The following XG variants were observed in gnomAD, a reference collection of about 807,000 sequenced individuals.
XG encodes Xg glycoprotein (Xg blood group), also known as glycoprotein Xg.
A neutral mutation model predicts 25.7 loss-of-function variants in XG; 24 were observed. The ratio of observed to expected loss-of-function variants is 0.93; its 90% CI spans 0.68 to 1.31. The LOEUF is 1.31. Ranked by LOEUF, XG falls within the 40% of genes most tolerant of loss-of-function variation. The pLI is 0.00. For missense variants in XG, 181 were observed against 187.6 expected, an observed-to-expected ratio of 0.96 and a Z score of 0.21; for synonymous variants, 77 against 69.2, an observed-to-expected ratio of 1.11 and a Z score of -0.56.
intron 1 of XG, among the ~76,000 whole-genome samples, chrX:2,763,924 G>C (rs1004521483): frequency 1.4e-4 from 22 of 152,180 alleles, no homozygotes; most frequent in Non-Finnish European, 3.1e-4. Flanking sequence ...GGCAACTCCA[G>C]GTTGAGTAGG....
intron 4 of XG, among the ~76,000 whole-genome samples, chrX:2,789,104 A>C (rs1420357668): frequency 9.0e-6 from 1 of 110,514 alleles, no homozygotes; most frequent in Non-Finnish European, 1.9e-5. Context: ...GGTGGTATGC[A>C]CCTGTAGACT....
intron 7 of XG, among the ~76,000 whole-genome samples, chrX:2,804,736 C>A (rs1320875016): frequency 9.0e-6 from 1 of 111,651 alleles, no homozygotes; most frequent in African/African-American, 3.2e-5. Flanking sequence ...TGAAGTTAGT[C>A]TCGGGAGGTC....
At position 2,765,352 on chromosome X, in the gene XG, G is replaced by C. The variant is rs922884116; in HGVS notation, c.62-5198G>C. ...GGCAACATAGTGAGGTTCTGTATGA[G>C]AGAAAGAGAGAAAGAGGGAGGGAGG... On this transcript the variant is annotated intron_variant, in intron 1 of 10. Transcript: ENST00000644266. Among the ~76,000 whole-genome samples the C allele has an allele frequency of 4.5e-5, 6 of 133,166 alleles. No individual in the cohort carries two copies. In the East Asian group the frequency reaches 6.6e-4, roughly 15 times the overall value. The allele number at this position is 133,166 out of a possible 152,430, so 87.4% of individuals were successfully genotyped here.
At chrX:2,760,804 C>T in intron 1 of XG, among the ~76,000 whole-genome samples, 1 of 148,054 alleles carries the variant, frequency 6.8e-6, no homozygotes, top group South Asian at 2.2e-4. Flanking sequence ...CCTGATCCAA[C>T]AGGACTGCAG....
At chrX:2,774,782 G>A in intron 3 of XG, 43 bp downstream of exon 3, 1 of 1,612,994 alleles carries the variant, frequency 6.2e-7, no homozygotes, top group Non-Finnish European at 8.5e-7. Flanking sequence ...CAACGTCCTT[G>A]AACTGATGCT....
At chrX:2,814,333 CA>C in intron 10 of XG, 30 bp from the exon 11 acceptor site, 1 of 1,188,672 alleles carries the variant, frequency 8.4e-7, no homozygotes, top group Middle Eastern at 2.4e-4. Flanking sequence ...TTTGCCCCCA[CA>C]ATGACATTTG....
intron 10 of XG, among the ~76,000 whole-genome samples, chrX:2,811,981 TAA>T (rs1446738632): frequency 9.0e-5 from 10 of 111,115 alleles, no homozygotes; most frequent in Non-Finnish European, 1.7e-4. Context: ...CTGTCTAATG[TAA>T]AAGAGGAGGA....
intron 6 of XG, among the ~76,000 whole-genome samples, chrX:2,795,610 T>TTATATAGGTA (rs987407315): frequency 2.7e-5 from 3 of 110,802 alleles, no homozygotes; most frequent in Admixed American, 9.7e-5. Flanking sequence ...GTATATATCT[T>TTATATAGGTA]TATATAGGTA....
chrX:2,814,289 G>C, intron 10 of XG, 75 bp from the exon 11 acceptor site: 2 of 1,105,033 alleles, frequency 1.8e-6, no homozygotes, highest in Non-Finnish European at 2.4e-6. Context: ...TTGGATCTTG[G>C]TTTTCTTTTT....
At chrX:2,808,441 T>G (rs1349785254) in intron 9 of XG, 2 of 895,163 alleles carry the variant, frequency 2.2e-6, no homozygotes, top group Non-Finnish European at 3.0e-6. Flanking sequence ...TGGTTTTCAC[T>G]GCAGAAGATG....
chrX:2,814,129 T>C (rs2087082798), intron 10 of XG, among the ~76,000 whole-genome samples: 2 of 111,364 alleles, frequency 1.8e-5, no homozygotes, highest in Non-Finnish European at 3.8e-5. Context: ...TTTTTTAAAA[T>C]AGATTTTTCA....
intron 7 of XG, among the ~76,000 whole-genome samples, chrX:2,803,880 T>C (rs972352369): frequency 7.2e-5 from 8 of 111,392 alleles, no homozygotes; most frequent in Non-Finnish European, 7.5e-5. Flanking sequence ...TATCACTCTG[T>C]TGCCCAGGCT....
At chrX:2,807,402 G>T (rs1213427529) in intron 8 of XG, among the ~76,000 whole-genome samples, 1 of 113,223 alleles carries the variant, frequency 8.8e-6, no homozygotes. Flanking sequence ...CATGTGGATT[G>T]TGTGTATACA....
intron 3 of XG, among the ~76,000 whole-genome samples, chrX:2,779,330 T>TAA (rs34578775): frequency 2.0e-3 from 208 of 105,792 alleles, no homozygotes; most frequent in African/African-American, 6.6e-3. Context: ...AGTGAGAGTA[T>TAA]AAAAAAAAAA....
chrX:2,804,664 G>A (rs1384845314), intron 7 of XG, among the ~76,000 whole-genome samples: 2 of 111,833 alleles, frequency 1.8e-5, no homozygotes, highest in Non-Finnish European at 1.9e-5. Context: ...TACTCATCAG[G>A]TAGAAAGAAG....
At chrX:2,786,599 C>T (rs1375689855) in intron 4 of XG, among the ~76,000 whole-genome samples, 1 of 110,890 alleles carries the variant, frequency 9.0e-6, no homozygotes, top group Admixed American at 9.7e-5. Flanking sequence ...AAGACAGGCA[C>T]GGATTCTTTT....
chrX:2,789,835 A>G (rs1452525020), intron 5 of XG, 129 bp downstream of exon 5: 3 of 302,219 alleles, frequency 9.9e-6, no homozygotes, highest in Non-Finnish European at 1.6e-5. Context: ...ACTTTATTTT[A>G]TTTGATTCTA....
chrX:2,778,058 G>A (rs2051040006), intron 3 of XG, among the ~76,000 whole-genome samples: 1 of 152,154 alleles, frequency 6.6e-6, no homozygotes, highest in Admixed American at 6.5e-5. Flanking sequence ...AACCTTCGAG[G>A]TGCAAACAAC....
chrX:2,763,708 C>T (rs2050615033), intron 1 of XG, among the ~76,000 whole-genome samples: 1 of 152,188 alleles, frequency 6.6e-6, no homozygotes, highest in Non-Finnish European at 1.5e-5. Flanking sequence ...TTGCCTGTAA[C>T]CTCTGCCTCC....
Sources: gnomAD v4.1 joint callset for allele counts (sites outside exome capture counted in the v4.1 genomes callset) on GRCh38, gnomAD v4.1.1 for gene constraint, MANE v1.5 for transcripts, NCBI Gene and HGNC (gene_info 2026-07-23, HGNC 2026-07-21) for gene names.